Variants in WWOX observed in about 807,000 individuals in gnomAD.
WWOX encodes the protein WW domain containing oxidoreductase, also known as WW domain-containing oxidoreductase.
In WWOX, 69 loss-of-function variants were observed where a neutral mutation model predicts 46.2. The observed-to-expected ratio is 1.49, with a 90% confidence interval of 1.23 to 1.82. The LOEUF is 1.82. WWOX is among the 40% of genes most tolerant of loss of function. The probability of loss-of-function intolerance (pLI) is 0.00; values close to 1 mark genes in which losing one functional copy is unlikely to be tolerated. For missense variants in WWOX, 919 were observed against 542.6 expected, an observed-to-expected ratio of 1.69 and a Z score of -6.89; for synonymous variants, 359 against 202.6, an observed-to-expected ratio of 1.77 and a Z score of -6.56.
chr16:78,472,696 C>T (rs1292056201), intron 8 of WWOX, among the ~76,000 whole-genome samples: 1 of 150,422 alleles, frequency 6.6e-6, no homozygotes, highest in Non-Finnish European at 1.5e-5. Context: ...GTAGTCCCAG[C>T]TACTTGGGAG....
intron 8 of WWOX, among the ~76,000 whole-genome samples, chr16:78,614,240 T>G (rs1347842380): frequency 6.6e-6 from 1 of 152,210 alleles, no homozygotes; most frequent in South Asian, 2.1e-4. Context: ...GACAGCCTTT[T>G]GGGTTTCATA....
At chr16:79,068,935 G>A (rs1597344450) in intron 8 of WWOX, among the ~76,000 whole-genome samples, 3 of 151,988 alleles carry the variant, frequency 2.0e-5, no homozygotes, top group Non-Finnish European at 2.9e-5. Flanking sequence ...ACGCTTAACC[G>A]ATTCCCAGCC....
At chr16:78,860,091 C>T (rs1421880227) in intron 8 of WWOX, among the ~76,000 whole-genome samples, 1 of 152,174 alleles carries the variant, frequency 6.6e-6, no homozygotes, top group Non-Finnish European at 1.5e-5. Context: ...TATGCACAAA[C>T]ACATAAACTT....
At chr16:78,124,956 T>G (rs1250927798) in intron 4 of WWOX, among the ~76,000 whole-genome samples, 1 of 152,182 alleles carries the variant, frequency 6.6e-6, no homozygotes, top group Non-Finnish European at 1.5e-5. Context: ...ACTAGCCAGA[T>G]GAACGGAGCT....
intron 5 of WWOX, among the ~76,000 whole-genome samples, chr16:78,315,475 C>A (rs1193304225): frequency 2.6e-5 from 4 of 151,978 alleles, no homozygotes; most frequent in Non-Finnish European, 5.9e-5. Context: ...ATGGTGAGAC[C>A]CCCATCTCTG....
chr16:78,273,279 G>A (rs12596354), intron 5 of WWOX, among the ~76,000 whole-genome samples: 17 of 152,114 alleles, frequency 1.1e-4, no homozygotes, highest in African/African-American at 4.1e-4. Context: ...TAGCCTAGTT[G>A]TCCAAACTTT....
chr16:79,098,395 G>T (rs1403061192), intron 8 of WWOX, among the ~76,000 whole-genome samples: 2 of 152,178 alleles, frequency 1.3e-5, no homozygotes, highest in African/African-American at 4.8e-5. Context: ...TTCTTAACCA[G>T]CAGAAGAAAG....
At chr16:79,145,483 T>C (rs1249587649) in intron 8 of WWOX, among the ~76,000 whole-genome samples, 1 of 152,180 alleles carries the variant, frequency 6.6e-6, no homozygotes, top group African/African-American at 2.4e-5. Context: ...ATTACAGTTA[T>C]GAGCCACCGC....
At chr16:78,433,877 C>A in intron 8 of WWOX, among the ~76,000 whole-genome samples, 1 of 149,512 alleles carries the variant, frequency 6.7e-6, no homozygotes, top group African/African-American at 2.5e-5. Flanking sequence ...GCAAGCTCCG[C>A]CTCCCGGGTT....
chr16:79,019,678 G>A lies in WWOX; in HGVS notation c.1057-191930G>A, dbSNP rs117514727. On this transcript the variant is annotated intron_variant, in intron 8 of 8. Coordinates refer to ENST00000566780, the MANE Select transcript of WWOX (RefSeq NM_016373.4). ...GATAAGCAAGGGAGACTCCAACCCC[G>A]GGCTCTCTAAGGGTGTAATTGTTGC... Among the ~76,000 whole-genome samples, 382 of 151,914 alleles carry A rather than the reference G, an allele frequency of 2.5e-3. 4 individuals carry two copies. The highest frequency in any genetic ancestry group is 2.1e-3 in the Non-Finnish European group (144 of 67,984).
At chr16:79,022,580 G>C (rs759308861) in intron 8 of WWOX, among the ~76,000 whole-genome samples, 1 of 152,108 alleles carries the variant, frequency 6.6e-6, no homozygotes, top group Admixed American at 6.5e-5. Context: ...AAGAGGAATG[G>C]GGAAGGGAAC....
intron 8 of WWOX, among the ~76,000 whole-genome samples, chr16:78,491,164 C>T (rs2084776327): frequency 6.6e-6 from 1 of 152,150 alleles, no homozygotes; most frequent in South Asian, 2.1e-4. Context: ...CTTCAAAATC[C>T]AGCTCTTGGC....
chr16:78,604,420 G>A (rs1001090293), intron 8 of WWOX, among the ~76,000 whole-genome samples: 7 of 152,098 alleles, frequency 4.6e-5, no homozygotes, highest in South Asian at 2.1e-4. Context: ...TACCAAGCAC[G>A]GTGCTGAGTG....
rs113657259 is a variant in WWOX at position 78,528,400 on chromosome 16, C to G, written c.1056+95648C>G. ...AAAGAATTAACAGCAGAAGATCGCT[C>G]TCACCAAAGCCCATCCAGAAAGTGG... is the stretch of plus-strand genomic sequence containing the variant. On this transcript the variant is annotated intron_variant, in intron 8 of 8. Transcript: ENST00000566780. 2.4e-4 allele frequency among the ~76,000 whole-genome samples: 37 copies of G among 151,946 alleles called. 1 individual carries two copies. Among genetic ancestry groups the G allele is most frequent in the African/African-American group, 8.2e-4 (34 of 41,412 alleles).
chr16:78,597,488 T>G lies in WWOX; in HGVS notation c.1056+164736T>G, dbSNP rs1017499455. Among the ~76,000 whole-genome samples the G allele has an allele frequency of 2.0e-5, 3 of 152,332 alleles. No homozygotes were observed. The East Asian group carries it at 5.8e-4, about 29-fold the overall frequency. ...TCTTTGGTCCACCATTAAGCATTTG[T>G]GGCCGCCCACCCCACAATATGCTTT... On this transcript the variant is annotated intron_variant, in intron 8 of 8. Coordinates refer to ENST00000566780, the MANE Select transcript of WWOX (RefSeq NM_016373.4).
intron 8 of WWOX, among the ~76,000 whole-genome samples, chr16:79,210,793 A>T (rs1391435977): frequency 6.6e-6 from 1 of 152,126 alleles, no homozygotes. Flanking sequence ...GGATGATATG[A>T]TGCCTCATCA....
At chr16:78,831,856 G>T (rs906314250) in intron 8 of WWOX, among the ~76,000 whole-genome samples, 1 of 152,006 alleles carries the variant, frequency 6.6e-6, no homozygotes, top group African/African-American at 2.4e-5. Context: ...GGAGACACAG[G>T]GGAGGAAAAC....
intron 8 of WWOX, among the ~76,000 whole-genome samples, chr16:78,571,351 A>C (rs1488819967): frequency 1.3e-5 from 2 of 152,190 alleles, no homozygotes; most frequent in Non-Finnish European, 2.9e-5. Context: ...ACTTTGTGAA[A>C]TGTCCCATTA....
chr16:78,438,686 T>C (rs546727825), intron 8 of WWOX, among the ~76,000 whole-genome samples: 8 of 152,274 alleles, frequency 5.3e-5, no homozygotes, highest in African/African-American at 1.9e-4. Context: ...GGGAACTGCA[T>C]TTTCAAATCA....
Sources: gnomAD v4.1 joint callset for allele counts (sites outside exome capture counted in the v4.1 genomes callset) on GRCh38, gnomAD v4.1.1 for gene constraint, MANE v1.5 for transcripts, NCBI Gene and HGNC (gene_info 2026-07-23, HGNC 2026-07-21) for gene names.